ENTPD4: variants seen among roughly 807,000 people sequenced by gnomAD.
ENTPD4 encodes the protein Golgi UDPase.
ENTPD4 carries 60 observed loss-of-function variants against 79.1 expected under a neutral mutation model. The observed-to-expected ratio is 0.76, with a 90% CI of 0.62 to 0.94. The LOEUF is 0.94. Ranked by LOEUF, ENTPD4 falls within the 40% of genes least tolerant of loss-of-function variation. The pLI, the probability that ENTPD4 is intolerant of heterozygous loss-of-function variation, is 0.00. For missense variants in ENTPD4, 772 were observed against 775.1 expected (o/e 1.00, Z 0.05); for synonymous variants, 276 against 292.0 (o/e 0.95, Z 0.56).
Position 23,430,728 on chromosome 8 carries a change from T to C in ENTPD4, c.*2198A>G. 1.0e-6 allele frequency: 1 copy of C among 985,490 alleles called. No homozygotes were observed. The highest frequency in any genetic ancestry group is 1.2e-6 in the Non-Finnish European group (1 of 829,980). The allele number at this position is 985,490 out of a possible 1,614,324, so 61.0% of individuals were successfully genotyped here. On this transcript the variant is annotated 3_prime_UTR_variant, in exon 13 of 13. Transcript: ENST00000358689. ...CCCAGAGCTGGAAGGCGGGGTCCCC[T>C]AACTCCCTGGGTGCCCACCTGCCCA...
intron 4 of ENTPD4, among the ~76,000 whole-genome samples, chr8:23,447,417 C>A (rs566936187): frequency 6.6e-6 from 1 of 152,292 alleles, no homozygotes; most frequent in South Asian, 2.1e-4. Context: ...CCAGCAACAT[C>A]TGCGTAGATA....
At chr8:23,446,206 G>A (rs1229226099) in intron 4 of ENTPD4, among the ~76,000 whole-genome samples, 1 of 152,132 alleles carries the variant, frequency 6.6e-6, no homozygotes, top group Admixed American at 6.5e-5. Flanking sequence ...CCAATGTTAA[G>A]CCTGATTTTA....
chr8:23,445,517 G>C (rs1397133756), intron 4 of ENTPD4, among the ~76,000 whole-genome samples: 3 of 151,896 alleles, frequency 2.0e-5, no homozygotes, highest in Non-Finnish European at 4.4e-5. Flanking sequence ...GTGGCCTTAG[G>C]GCCCTGCTCC....
chr8:23,439,313 C>G (rs17089262), intron 9 of ENTPD4, among the ~76,000 whole-genome samples: 36,813 of 152,050 alleles, frequency 0.24, 4,683 homozygotes, highest in Admixed American at 0.34. Context: ...GCTGCACTGG[C>G]TGCTTCATCC....
At chr8:23,441,889 C>G in intron 7 of ENTPD4, 118 bp downstream of exon 7, 1 of 1,135,492 alleles carries the variant, frequency 8.8e-7, no homozygotes, top group Admixed American at 1.9e-5. Context: ...CAGCTGCTCT[C>G]ATTCTACTCC....
intron 8 of ENTPD4, 197 bp from the exon 9 acceptor site, chr8:23,440,112 T>A (rs1800641896): frequency 1.9e-6 from 1 of 538,602 alleles, no homozygotes; most frequent in Non-Finnish European, 3.3e-6. Flanking sequence ...TGCAAATTTG[T>A]GATACTGTTA....
Position 23,444,470 on chromosome 8 carries a change from T to G in ENTPD4, c.549A>C (p.Arg183Ser). ...TGGAGGATCACCTTTCGGGGAGGATTCTCATTCCAGCCGTGCAGAGAATGT... is the reference window on the plus strand; with the variant it reads ...TGGAGGATCACCTTTCGGGGAGGATGCTCATTCCAGCCGTGCAGAGAATGT... The part of the protein sequence containing the change: ...PLYILCTAGM[R>S]ILPESQQKAI... The change falls in exon 5 of 13, where the codon AGA becomes AGC. Residue 183 changes from arginine (R) to serine (S), a missense_variant. Transcript: ENST00000358689. 6.2e-7 allele frequency: 1 copy of G among 1,613,928 alleles called. No individual in the cohort carries two copies. Among genetic ancestry groups the G allele is most frequent in the Admixed American group, 1.7e-5 (1 of 60,016 alleles).
At chr8:23,447,006 C>G (rs1343863154) in intron 4 of ENTPD4, among the ~76,000 whole-genome samples, 5 of 152,154 alleles carry the variant, frequency 3.3e-5, no homozygotes, top group African/African-American at 1.2e-4. Flanking sequence ...GATCAACTAT[C>G]AAGACATAAA....
chr8:23,430,616 A>G lies in ENTPD4; in HGVS notation c.*2310T>C, dbSNP rs1409789028. On this transcript the variant is annotated 3_prime_UTR_variant, in exon 13 of 13. Coordinates refer to ENST00000358689, the MANE Select transcript of ENTPD4 (RefSeq NM_004901.5). ...TCTTAGGCAACTGTTTAAAAATGGC[A>G]AATCCACTACTACCTCTCAGCTGGA... 5 of 985,458 alleles carry G rather than the reference A, an allele frequency of 5.1e-6. No individual in the cohort carries two copies. The East Asian group carries it at 5.7e-4, about 112-fold the overall frequency. 61.0% of individuals were successfully genotyped at this position (985,458 alleles called of 1,614,324 possible). A position where few individuals can be genotyped will look rare whatever the true frequency, so the allele number is the denominator to read the frequency against.
At chr8:23,438,114 T>C (rs1800604318) in intron 9 of ENTPD4, among the ~76,000 whole-genome samples, 1 of 152,192 alleles carries the variant, frequency 6.6e-6, no homozygotes, top group Non-Finnish European at 1.5e-5. Flanking sequence ...GCTAATGAAA[T>C]TTCTGGGAGT....
chr8:23,437,000 G>A lies in ENTPD4; in HGVS notation c.1308C>T (p.Tyr436=), dbSNP rs368924150. The A allele has an allele frequency of 2.0e-4, 324 of 1,614,080 alleles. 4 individuals carry two copies. The highest frequency in any genetic ancestry group is 1.9e-3 in the South Asian group (169 of 91,068). Residue 436 remains tyrosine, a synonymous_variant, in exon 10 of 13, where the codon TAC becomes TAT. Transcript: ENST00000358689. ...CCATTCGTAACACATCCTCGGTGCAGTAGTAGAATTCGGAGAAGCCATAGA... is the reference window on the plus strand; with the variant it reads ...CCATTCGTAACACATCCTCGGTGCAATAGTAGAATTCGGAGAAGCCATAGA... ...SEFYGFSEFY[Y]CTEDVLRMGG...
intron 4 of ENTPD4, among the ~76,000 whole-genome samples, chr8:23,445,939 T>G (rs1250393920): frequency 6.6e-6 from 1 of 152,138 alleles, no homozygotes; most frequent in Non-Finnish European, 1.5e-5. Context: ...ATTTCACACA[T>G]TAGAAAATTA....
chr8:23,430,930 C>T lies in ENTPD4; in HGVS notation c.*1996G>A, dbSNP rs1800443577. On this transcript the variant is annotated 3_prime_UTR_variant, in exon 13 of 13. Transcript: ENST00000358689. ...AGCCAGAAGCTCACCCCTTTCTTAA[C>T]AACTTTGACCACGAAGCGCAAATAC... The T allele has an allele frequency of 1.0e-6, 1 of 985,482 alleles. No homozygotes were observed. Among genetic ancestry groups the T allele is most frequent in the African/African-American group, 1.7e-5 (1 of 57,374 alleles). 61.0% of individuals were successfully genotyped at this position (985,482 alleles called of 1,614,324 possible).
intron 1 of ENTPD4, among the ~76,000 whole-genome samples, chr8:23,452,893 G>A (rs1359821493): frequency 1.3e-5 from 2 of 152,212 alleles, no homozygotes; most frequent in Non-Finnish European, 2.9e-5. Context: ...ACAGCAGTGG[G>A]CTAAAGTATT....
rs1187840508 is a variant in ENTPD4, at chr8:23,432,093, G to A, written c.*833C>T. ...TATCTCCTGGTGCCCATGTTTCTCT[G>A]TTTTGGATATAAATGGTTTAAAAAA... On this transcript the variant is annotated 3_prime_UTR_variant, in exon 13 of 13. Coordinates refer to ENST00000358689, the MANE Select transcript of ENTPD4 (RefSeq NM_004901.5). 7 of 984,728 alleles carry A rather than the reference G, an allele frequency of 7.1e-6. No homozygotes were observed. The highest frequency in any genetic ancestry group is 8.4e-6 in the Non-Finnish European group (7 of 829,740). 61.0% of individuals were successfully genotyped at this position (984,728 alleles called of 1,614,324 possible).
Position 23,437,189 on chromosome 8 carries a change from A to C in ENTPD4, c.1119T>G (p.Ile373Met), listed in dbSNP as rs368240094. Reference protein sequence around the residue: ...PYLDPCLPLDIKDEIQQNGQT... With the variant: ...PYLDPCLPLDMKDEIQQNGQT... ...GTCCATTTTGCTGGATTTCATCTTTAATGTCTAGGGGTAGGCAGGGGTCCA... is the reference window on the plus strand; with the variant it reads ...GTCCATTTTGCTGGATTTCATCTTTCATGTCTAGGGGTAGGCAGGGGTCCA... The change falls in exon 10 of 13, where the codon ATT (isoleucine) becomes ATG (methionine). Residue 373 changes from isoleucine to methionine, a missense_variant. Physicochemically the swap from Ile to Met is conservative, Grantham distance 10. Coordinates refer to ENST00000358689, the MANE Select transcript of ENTPD4 (RefSeq NM_004901.5). 6.2e-7 allele frequency: 1 copy of C among 1,614,160 alleles called. No individual in the cohort carries two copies. The highest frequency in any genetic ancestry group is 8.5e-7 in the Non-Finnish European group (1 of 1,180,022).
At position 23,448,738 on chromosome 8, in the gene ENTPD4, T is replaced by G. The variant is rs778032686; in HGVS notation, c.206+4A>C. On this transcript the variant is annotated splice_donor_region_variant and intron_variant, in intron 3 of 12. Transcript: ENST00000358689. ...TCTAGAAAGCAAATGTTTTTATCTC[T>G]TACCTTTGAAATTTCTTGTCTCTGG... The G allele has an allele frequency of 2.1e-5, 34 of 1,612,856 alleles. No individual in the cohort carries two copies. The highest frequency in any genetic ancestry group is 2.7e-5 in the Non-Finnish European group (32 of 1,179,072).
At position 23,432,697 on chromosome 8, in the gene ENTPD4, A is replaced by G. The variant is rs937086794; in HGVS notation, c.*229T>C. 8.3e-6 allele frequency: 8 copies of G among 961,850 alleles called. No homozygotes were observed. The African/African-American group carries it at 1.4e-4, about 16-fold the overall frequency. The allele number at this position is 961,850 out of a possible 1,614,324, so 59.6% of individuals were successfully genotyped here. A position where few individuals can be genotyped will look rare whatever the true frequency, so the allele number is the denominator to read the frequency against. On this transcript the variant is annotated 3_prime_UTR_variant, in exon 13 of 13. Transcript: ENST00000358689. ...GTATTTTTAGTAGAGACGGGGTTTC[A>G]CCGTGTTAGCCAGGATGGTCTCGAT...
At chr8:23,436,290 G>A (rs1190846545) in intron 10 of ENTPD4, among the ~76,000 whole-genome samples, 1 of 152,250 alleles carries the variant, frequency 6.6e-6, no homozygotes, top group Non-Finnish European at 1.5e-5. Flanking sequence ...TGTATAGGGA[G>A]AGATGAAATG....
Sources: allele counts gnomAD v4.1 joint callset (sites outside exome capture counted in the v4.1 genomes callset), GRCh38; gene constraint gnomAD v4.1.1; transcripts MANE v1.5; gene names NCBI Gene and HGNC (gene_info 2026-07-23, HGNC 2026-07-21).